RPP25: variants seen among roughly 807,000 people sequenced by gnomAD.
The protein encoded by RPP25 is ribonuclease P/MRP subunit p25.
A neutral mutation model predicts 4.4 loss-of-function variants in RPP25; 2 were observed. The observed-to-expected ratio is 0.45, with a 90% CI of 0.19 to 1.43. The LOEUF (loss-of-function observed/expected upper bound fraction) is 1.43. Ranked by LOEUF, RPP25 falls within the 40% of genes most tolerant of loss-of-function variation. The pLI is 0.26. For missense variants in RPP25, 319 were observed against 293.8 expected (o/e 1.09, Z -0.63); for synonymous variants, 144 against 136.2 (o/e 1.06, Z -0.40).
rs1186094078 is a variant in RPP25 at position 74,956,519 on chromosome 15, C to T, written c.65G>A (p.Gly22Asp). 3.3e-6 allele frequency: 5 copies of T among 1,530,808 alleles called. No individual in the cohort carries two copies. Among genetic ancestry groups the T allele is most frequent in the Non-Finnish European group, 4.4e-6 (5 of 1,143,304 alleles). The allele number at this position is 1,530,808 out of a possible 1,614,324, so 94.8% of individuals were successfully genotyped here. A position where few individuals can be genotyped will look rare whatever the true frequency, so the allele number is the denominator to read the frequency against. ...APAGCGAEGG[G>D]PGSGPFADLA... ...GTCTGCGAAGGGGCCGGAGCCCGGG[C>T]CGCCTCCCTCGGCCCCGCACCCCGC... Residue 22 changes from glycine (G) to aspartate (D), a missense_variant, in exon 1 of 1, where the codon GGC (glycine) becomes GAC (aspartate). Coordinates refer to ENST00000322177, the MANE Select transcript of RPP25 (RefSeq NM_017793.3).
Position 74,956,310 on chromosome 15 carries a change from G to T in RPP25, c.274C>A (p.His92Asn). ...CGGTAGCGCAGCCGCGTGACCTGGT[G>T]CAGGCCCGCCAGGCGGCGCTTGAGG... is the stretch of plus-strand genomic sequence containing the variant. The part of the protein sequence containing the change: ...EILKRRLAGL[H>N]QVTRLRYRSV... Residue 92 changes from histidine (H) to asparagine (N), a missense_variant, in exon 1 of 1, where the codon CAC becomes AAC. Coordinates refer to ENST00000322177, the MANE Select transcript of RPP25 (RefSeq NM_017793.3). The T allele has an allele frequency of 6.2e-7, 1 of 1,601,356 alleles. No individual in the cohort carries two copies.
In RPP25 at chr15:74,955,791, G is replaced by A. The variant is rs1435269845; in HGVS notation, c.*193C>T. The A allele has an allele frequency of 3.0e-6, 2 of 665,262 alleles. No homozygotes were observed. Among genetic ancestry groups the A allele is most frequent in the Non-Finnish European group, 5.0e-6 (2 of 399,826 alleles). 41.2% of individuals were successfully genotyped at this position (665,262 alleles called of 1,614,324 possible). A position where few individuals can be genotyped will look rare whatever the true frequency, so the allele number is the denominator to read the frequency against. ...AATTATCGCACGAAGTTTCCCTAGG[G>A]TGGTCGGGGATCCTCTCCTGCCACT... On this transcript the variant is annotated 3_prime_UTR_variant, in exon 1 of 1. Coordinates refer to ENST00000322177, the MANE Select transcript of RPP25 (RefSeq NM_017793.3).
At position 74,956,322 on chromosome 15, in the gene RPP25, G is replaced by C; in HGVS notation, c.262C>G (p.Leu88Val). ...VTCAEILKRRLAGLHQVTRLR... is the reference protein window; with the variant it reads ...VTCAEILKRRVAGLHQVTRLR... Reference sequence around the variant, plus strand: ...CGCGTGACCTGGTGCAGGCCCGCCAGGCGGCGCTTGAGGATCTCGGCGCAC... The same window carrying C: ...CGCGTGACCTGGTGCAGGCCCGCCACGCGGCGCTTGAGGATCTCGGCGCAC... The change falls in exon 1 of 1, where the codon CTG (leucine) becomes GTG (valine). Residue 88 changes from leucine (L) to valine (V), a missense_variant. By Grantham distance (32) the Leu-to-Val change is conservative. Coordinates refer to ENST00000322177, the MANE Select transcript of RPP25 (RefSeq NM_017793.3). 6.2e-7 allele frequency: 1 copy of C among 1,601,622 alleles called. No individual in the cohort carries two copies. Among genetic ancestry groups the C allele is most frequent in the Non-Finnish European group, 8.5e-7 (1 of 1,178,254 alleles).
Position 74,955,862 on chromosome 15 carries a change from T to C in RPP25, c.*122A>G, listed in dbSNP as rs2065466159. The C allele has an allele frequency of 2.2e-6, 3 of 1,365,964 alleles. No homozygotes were observed. Among genetic ancestry groups the C allele is most frequent in the Non-Finnish European group, 3.0e-6 (3 of 1,012,340 alleles). The allele number at this position is 1,365,964 out of a possible 1,614,324, so 84.6% of individuals were successfully genotyped here. A position where few individuals can be genotyped will look rare whatever the true frequency, so the allele number is the denominator to read the frequency against. ...GCCTTAAGGTCCATGCTACCTGTCTTGAGGAGCTGTGTCCAGGTTGTGGGC... is the reference window on the plus strand; with the variant it reads ...GCCTTAAGGTCCATGCTACCTGTCTCGAGGAGCTGTGTCCAGGTTGTGGGC... On this transcript the variant is annotated 3_prime_UTR_variant, in exon 1 of 1. Coordinates refer to ENST00000322177, the MANE Select transcript of RPP25 (RefSeq NM_017793.3).
Position 74,955,920 on chromosome 15 carries a change from A to C in RPP25, c.*64T>G. 6 of 1,597,942 alleles carry C rather than the reference A, an allele frequency of 3.8e-6. No homozygotes were observed. The highest frequency in any genetic ancestry group is 5.1e-6 in the Non-Finnish European group (6 of 1,173,508). On this transcript the variant is annotated 3_prime_UTR_variant, in exon 1 of 1. Transcript: ENST00000322177. ...GACCGAGGAGTGAAAGGCTGGAGGTACATCTGAAGGTGGAGGCGCTGGCGG... is the reference window on the plus strand; with the variant it reads ...GACCGAGGAGTGAAAGGCTGGAGGTCCATCTGAAGGTGGAGGCGCTGGCGG...
In RPP25 at chr15:74,956,389, G is replaced by A. The variant is rs779657545; in HGVS notation, c.195C>T (p.Ile65=). The change falls in exon 1 of 1, where the codon ATC becomes ATT. Residue 65 remains isoleucine (I), a synonymous_variant. Coordinates refer to ENST00000322177, the MANE Select transcript of RPP25 (RefSeq NM_017793.3). ...TGGCCCGGCCGCAGCCGCTGAAGAC[G>A]ATGGCGCGCGTGGCTGGCTGCGCCA... ...ASMAQPATRA[I]VFSGCGRATT... is the part of the protein sequence containing the mutation. 7 of 1,604,340 alleles carry A rather than the reference G, an allele frequency of 4.4e-6. No individual in the cohort carries two copies. The Admixed American group carries it at 5.0e-5, about 12-fold the overall frequency.
rs1340164273 is a variant in RPP25 at position 74,955,305 on chromosome 15, T to C, written c.*679A>G. 6.6e-6 allele frequency: 1 copy of C among 152,194 alleles called. No individual in the cohort carries two copies. The highest frequency in any genetic ancestry group is 1.9e-4 in the East Asian group (1 of 5,176). The allele number at this position is 152,194 out of a possible 1,614,324, so 9.4% of individuals were successfully genotyped here. A position where few individuals can be genotyped will look rare whatever the true frequency, so the allele number is the denominator to read the frequency against. On this transcript the variant is annotated 3_prime_UTR_variant, in exon 1 of 1. Transcript: ENST00000322177. ...AGAAAAAAAATGGGGGACACAGCCA[T>C]TTTTGTGCTTGTTTTATTGGAAGCA...
rs901783931 is a variant in RPP25, at chr15:74,956,476, C to A, written c.108G>T (p.Val36=). The change falls in exon 1 of 1, where the codon GTG becomes GTT. Residue 36 remains valine, a synonymous_variant. Coordinates refer to ENST00000322177, the MANE Select transcript of RPP25 (RefSeq NM_017793.3). ...GPFADLAPGA[V]HMRVKEGSKI... ...TGCTGCCTTCCTTGACCCGCATGTG[C>A]ACCGCGCCCGGCGCCAGGTCTGCGA... is the stretch of plus-strand genomic sequence containing the variant. The A allele has an allele frequency of 1.3e-6, 2 of 1,556,200 alleles. No homozygotes were observed. Among genetic ancestry groups the A allele is most frequent in the African/African-American group, 1.4e-5 (1 of 72,840 alleles).
Position 74,956,307 on chromosome 15 carries a change from G to T in RPP25, c.277C>A (p.Gln93Lys). ...ILKRRLAGLH[Q>K]VTRLRYRSVR... is the part of the protein sequence containing the mutation. Reference sequence around the variant, plus strand: ...CTCCGGTAGCGCAGCCGCGTGACCTGGTGCAGGCCCGCCAGGCGGCGCTTG... The same window carrying T: ...CTCCGGTAGCGCAGCCGCGTGACCTTGTGCAGGCCCGCCAGGCGGCGCTTG... Residue 93 changes from glutamine to lysine, a missense_variant, in exon 1 of 1, where the codon CAG becomes AAG. Physicochemically the swap from Gln to Lys is moderately conservative, Grantham distance 53. Transcript: ENST00000322177. 1 of 1,601,040 alleles carries T rather than the reference G, an allele frequency of 6.2e-7. No homozygotes were observed. The highest frequency in any genetic ancestry group is 8.5e-7 in the Non-Finnish European group (1 of 1,177,650).
In RPP25 at chr15:74,955,863, G is replaced by A. The variant is rs2065466177; in HGVS notation, c.*121C>T. 7.3e-7 allele frequency: 1 copy of A among 1,370,044 alleles called. No individual in the cohort carries two copies. Among genetic ancestry groups the A allele is most frequent in the Non-Finnish European group, 9.9e-7 (1 of 1,014,970 alleles). 84.9% of individuals were successfully genotyped at this position (1,370,044 alleles called of 1,614,324 possible). On this transcript the variant is annotated 3_prime_UTR_variant, in exon 1 of 1. Transcript: ENST00000322177. Reference sequence around the variant, plus strand: ...CCTTAAGGTCCATGCTACCTGTCTTGAGGAGCTGTGTCCAGGTTGTGGGCT... The same window carrying A: ...CCTTAAGGTCCATGCTACCTGTCTTAAGGAGCTGTGTCCAGGTTGTGGGCT...
rs778433076 is a variant in RPP25, at chr15:74,956,507, C to T, written c.77G>A (p.Gly26Asp). Residue 26 changes from glycine to aspartate, a missense_variant, in exon 1 of 1, where the codon GGC (glycine) becomes GAC (aspartate). Coordinates refer to ENST00000322177, the MANE Select transcript of RPP25 (RefSeq NM_017793.3). ...CGAEGGGPGS[G>D]PFADLAPGAV... ...GCCCGGCGCCAGGTCTGCGAAGGGG[C>T]CGGAGCCCGGGCCGCCTCCCTCGGC... The T allele has an allele frequency of 2.6e-6, 4 of 1,536,094 alleles. No homozygotes were observed. The East Asian group carries it at 1.0e-4, about 39-fold the overall frequency.
chr15:74,955,858 G>A lies in RPP25; in HGVS notation c.*126C>T. 1 of 1,348,798 alleles carries A rather than the reference G, an allele frequency of 7.4e-7. No homozygotes were observed. The highest frequency in any genetic ancestry group is 1.0e-6 in the Non-Finnish European group (1 of 998,310). 83.6% of individuals were successfully genotyped at this position (1,348,798 alleles called of 1,614,324 possible). ...TGTCGCCTTAAGGTCCATGCTACCT[G>A]TCTTGAGGAGCTGTGTCCAGGTTGT... On this transcript the variant is annotated 3_prime_UTR_variant, in exon 1 of 1. Coordinates refer to ENST00000322177, the MANE Select transcript of RPP25 (RefSeq NM_017793.3).
Position 74,955,646 on chromosome 15 carries a change from GC to G in RPP25, c.*337del. ...AGGTGCTCTTCGTGAATGCTGGGTG[GC>G]TTTAACCCTTGGGGGTCCCAAACAA... On this transcript the variant is annotated 3_prime_UTR_variant, in exon 1 of 1. Transcript: ENST00000322177. The G allele has an allele frequency of 2.9e-6, 1 of 349,916 alleles. No individual in the cohort carries two copies. Among genetic ancestry groups the G allele is most frequent in the South Asian group, 3.5e-5 (1 of 28,726 alleles). 21.7% of individuals were successfully genotyped at this position (349,916 alleles called of 1,614,324 possible).
In RPP25 at chr15:74,955,310, G is replaced by C. The variant is rs2141281547; in HGVS notation, c.*674C>G. On this transcript the variant is annotated 3_prime_UTR_variant, in exon 1 of 1. Transcript: ENST00000322177. Reference sequence around the variant, plus strand: ...AAAAATGGGGGACACAGCCATTTTTGTGCTTGTTTTATTGGAAGCAAGACT... The same window carrying C: ...AAAAATGGGGGACACAGCCATTTTTCTGCTTGTTTTATTGGAAGCAAGACT... 6.6e-6 allele frequency: 1 copy of C among 152,448 alleles called. No homozygotes were observed. The highest frequency in any genetic ancestry group is 2.4e-5 in the African/African-American group (1 of 41,548). The allele number at this position is 152,448 out of a possible 1,614,324, so 9.4% of individuals were successfully genotyped here.
chr15:74,956,405 G>C lies in RPP25; in HGVS notation c.179C>G (p.Pro60Arg). ...GCTGAAGACGATGGCGCGCGTGGCT[G>C]GCTGCGCCATGCTGGCGGTGGCGAA... ...MAFATASMAQPATRAIVFSGC... is the reference protein window; with the variant it reads ...MAFATASMAQRATRAIVFSGC... The change falls in exon 1 of 1, where the codon CCA (proline) becomes CGA (arginine). Residue 60 changes from proline to arginine, a missense_variant. Transcript: ENST00000322177. 6.2e-7 allele frequency: 1 copy of C among 1,603,130 alleles called. No homozygotes were observed. Among genetic ancestry groups the C allele is most frequent in the Non-Finnish European group, 8.5e-7 (1 of 1,177,774 alleles).
Position 74,956,416 on chromosome 15 carries a change from G to T in RPP25, c.168C>A (p.Ser56Arg). 1.3e-6 allele frequency: 2 copies of T among 1,599,360 alleles called. No homozygotes were observed. Among genetic ancestry groups the T allele is most frequent in the Admixed American group, 1.7e-5 (1 of 58,136 alleles). Residue 56 changes from serine to arginine, a missense_variant, in exon 1 of 1, where the codon AGC (serine) becomes AGA (arginine). Coordinates refer to ENST00000322177, the MANE Select transcript of RPP25 (RefSeq NM_017793.3). ...IRNLMAFATASMAQPATRAIV... is the reference protein window; with the variant it reads ...IRNLMAFATARMAQPATRAIV... ...TGGCGCGCGTGGCTGGCTGCGCCAT[G>T]CTGGCGGTGGCGAAGGCCATCAGGT...
In RPP25 at chr15:74,956,314, G is replaced by T. The variant is rs916038464; in HGVS notation, c.270C>A (p.Gly90=). Residue 90 remains glycine, a synonymous_variant, in exon 1 of 1, where the codon GGC becomes GGA. Transcript: ENST00000322177. ...AGCGCAGCCGCGTGACCTGGTGCAG[G>T]CCCGCCAGGCGGCGCTTGAGGATCT... is the stretch of plus-strand genomic sequence containing the variant. ...CAEILKRRLA[G]LHQVTRLRYR... 9 of 1,601,090 alleles carry T rather than the reference G, an allele frequency of 5.6e-6. No individual in the cohort carries two copies. The highest frequency in any genetic ancestry group is 1.3e-5 in the African/African-American group (1 of 74,820).
chr15:74,956,106 G>T lies in RPP25; in HGVS notation c.478C>A (p.Pro160Thr), dbSNP rs751547918. The change falls in exon 1 of 1, where the codon CCC becomes ACC. Residue 160 changes from proline to threonine, a missense_variant. By Grantham distance (38) the Pro-to-Thr change is conservative. Transcript: ENST00000322177. ...GCTGGCGCGGCTGGCGGGGACGAGG[G>T]ACCAGGATGGGGATTCGGGGGCTGG... ...GYQPPNPHPG[P>T]SSPPAAPASK... 1.2e-6 allele frequency: 2 copies of T among 1,608,912 alleles called. No individual in the cohort carries two copies. Among genetic ancestry groups the T allele is most frequent in the South Asian group, 1.1e-5 (1 of 90,368 alleles).
In RPP25 at chr15:74,956,397, G is replaced by A. The variant is rs768152289; in HGVS notation, c.187C>T (p.Arg63Cys). ...ATASMAQPAT[R>C]AIVFSGCGRA... ...CCGCAGCCGCTGAAGACGATGGCGC[G>A]CGTGGCTGGCTGCGCCATGCTGGCG... The change falls in exon 1 of 1, where the codon CGC becomes TGC. Residue 63 changes from arginine (R) to cysteine (C), a missense_variant. By Grantham distance (180) the Arg-to-Cys change is radical. Coordinates refer to ENST00000322177, the MANE Select transcript of RPP25 (RefSeq NM_017793.3). 1.2e-6 allele frequency: 2 copies of A among 1,603,494 alleles called. No individual in the cohort carries two copies. The highest frequency in any genetic ancestry group is 1.1e-5 in the South Asian group (1 of 90,334).
Sources: allele counts gnomAD v4.1 joint callset, GRCh38; gene constraint gnomAD v4.1.1; transcripts MANE v1.5; gene names NCBI Gene and HGNC (gene_info 2026-07-23, HGNC 2026-07-21).